Variants in CDKAL1 observed in about 807,000 individuals in gnomAD.
CDKAL1 encodes the protein threonylcarbamoyladenosine tRNA methylthiotransferase.
Under a neutral mutation model 68.2 loss-of-function variants are expected in CDKAL1, and 32 were observed. The ratio of observed to expected loss-of-function variants is 0.47; its 90% CI spans 0.35 to 0.63. The LOEUF (loss-of-function observed/expected upper bound fraction) is 0.63, where lower values mean the gene tolerates loss of function less well. CDKAL1 is among the 30% of genes least tolerant of loss of function. CDKAL1 has a pLI of 0.00. For synonymous variants in CDKAL1, 234 were observed against 244.3 expected (o/e 0.96, Z 0.39); for missense variants, 606 against 696.7 (o/e 0.87, Z 1.47).
chr6:21,206,484 A>G (rs1424100489), intron 15 of CDKAL1, among the ~76,000 whole-genome samples: 1 of 152,162 alleles, frequency 6.6e-6, no homozygotes, highest in Non-Finnish European at 1.5e-5. Context: ...GAATCTTACC[A>G]TTTCTAAGAT....
chr6:21,091,598 GAA>G (rs1773010594), intron 12 of CDKAL1, among the ~76,000 whole-genome samples: 1 of 152,166 alleles, frequency 6.6e-6, no homozygotes, highest in South Asian at 2.1e-4. Flanking sequence ...AGGGGAAAAT[GAA>G]AAGTCTCTGG....
At position 21,200,908 on chromosome 6, in the gene CDKAL1, ATAATAT is replaced by A. The variant is rs1246328903; in HGVS notation, c.1384-195_1384-190del. ...GGATAATTAGGTATGCCTTCGGTTA[ATAATAT>A]TAATATATCAATTTGGGTTCATTAA... On this transcript the variant is annotated intron_variant, in intron 14 of 15. Transcript: ENST00000274695. The A allele has an allele frequency of 1.3e-4, 54 of 428,692 alleles. No homozygotes were observed. In the East Asian group the frequency reaches 1.8e-3, roughly 14 times the overall value. The allele number at this position is 428,692 out of a possible 1,614,324, so 26.6% of individuals were successfully genotyped here.
intron 9 of CDKAL1, among the ~76,000 whole-genome samples, chr6:20,872,176 A>C (rs2150544709): frequency 6.6e-6 from 1 of 152,312 alleles, no homozygotes; most frequent in East Asian, 1.9e-4. Flanking sequence ...TTAATTTAAA[A>C]ATGTATATTT....
At chr6:20,720,767 T>A (rs1772311160) in intron 5 of CDKAL1, among the ~76,000 whole-genome samples, 1 of 152,320 alleles carries the variant, frequency 6.6e-6, no homozygotes, top group East Asian at 1.9e-4. Context: ...CCCAAAGTGC[T>A]AGATTTCAGG....
intron 8 of CDKAL1, among the ~76,000 whole-genome samples, chr6:20,803,014 A>G (rs1439702356): frequency 6.6e-6 from 1 of 152,244 alleles, no homozygotes; most frequent in African/African-American, 2.4e-5. Flanking sequence ...CCTACAAGGA[A>G]CTGACAGAAT....
Position 20,972,503 on chromosome 6 carries a change from G to T in CDKAL1, c.909+16918G>T, listed in dbSNP as rs1023203244. ...ACTTCCCAAGTCCTTCAGATTTTTT[G>T]AAGAAAGTTTGAAACAGAAAGCAGG... On this transcript the variant is annotated intron_variant, in intron 10 of 15. Transcript: ENST00000274695. 5.3e-5 allele frequency among the ~76,000 whole-genome samples: 8 copies of T among 152,250 alleles called. No individual in the cohort carries two copies. The East Asian group carries it at 1.4e-3, about 26-fold the overall frequency.
chr6:20,931,299 G>T (rs775012663), intron 9 of CDKAL1, among the ~76,000 whole-genome samples: 1 of 152,126 alleles, frequency 6.6e-6, no homozygotes, highest in African/African-American at 2.4e-5. Flanking sequence ...TTGGCCTCGT[G>T]CCAGACACCA....
chr6:21,066,556 A>G (rs750558986), intron 12 of CDKAL1, among the ~76,000 whole-genome samples: 5 of 152,218 alleles, frequency 3.3e-5, no homozygotes, highest in Admixed American at 1.3e-4. Flanking sequence ...CTACATGACA[A>G]TCAAGATATA....
intron 15 of CDKAL1, among the ~76,000 whole-genome samples, chr6:21,212,502 T>G (rs1012511899): frequency 6.6e-6 from 1 of 152,162 alleles, no homozygotes; most frequent in African/African-American, 2.4e-5. Flanking sequence ...CTTCTAACCA[T>G]AAATTGTAGT....
intron 4 of CDKAL1, among the ~76,000 whole-genome samples, chr6:20,573,247 AG>A (rs749861948): frequency 1.3e-5 from 2 of 152,200 alleles, no homozygotes; most frequent in Non-Finnish European, 2.9e-5. Context: ...CTTGCTGGTC[AG>A]TGTTTGTTAT....
At chr6:20,825,336 G>C (rs191444894) in intron 8 of CDKAL1, among the ~76,000 whole-genome samples, 2 of 150,936 alleles carry the variant, frequency 1.3e-5, no homozygotes, top group Non-Finnish European at 3.0e-5. Context: ...TTAGTAACCT[G>C]AAGTTTTTAC....
At chr6:20,761,743 A>C (rs1375692733) in intron 7 of CDKAL1, among the ~76,000 whole-genome samples, 1 of 152,232 alleles carries the variant, frequency 6.6e-6, no homozygotes, top group Non-Finnish European at 1.5e-5. Context: ...TAAACGGATC[A>C]GTTGGTGTCA....
intron 5 of CDKAL1, among the ~76,000 whole-genome samples, chr6:20,660,796 T>C (rs1464633876): frequency 6.6e-6 from 1 of 152,200 alleles, no homozygotes; most frequent in Non-Finnish European, 1.5e-5. Flanking sequence ...AAGGGTTTAG[T>C]ATCGTTATGC....
At chr6:20,557,055 AAAT>A (rs1561923453) in intron 4 of CDKAL1, among the ~76,000 whole-genome samples, 40 of 42,830 alleles carry the variant, frequency 9.3e-4, no homozygotes, top group Admixed American at 3.4e-3. Context: ...AAAAAAAAAT[AAAT>A]AAATAAATAA....
At chr6:20,577,340 G>A (rs139419511) in intron 4 of CDKAL1, among the ~76,000 whole-genome samples, 1 of 152,182 alleles carries the variant, frequency 6.6e-6, no homozygotes, top group Admixed American at 6.5e-5. Flanking sequence ...GGGGGCGGGG[G>A]TTAGGTGGGA....
chr6:21,054,868 G>C (rs1174376819), intron 11 of CDKAL1, among the ~76,000 whole-genome samples: 1 of 150,270 alleles, frequency 6.7e-6, no homozygotes, highest in African/African-American at 2.5e-5. Flanking sequence ...AGATTCTTTA[G>C]ATTTTCTACA....
intron 13 of CDKAL1, among the ~76,000 whole-genome samples, chr6:21,145,697 C>T (rs527305447): frequency 7.2e-5 from 11 of 152,332 alleles, no homozygotes; most frequent in African/African-American, 1.7e-4. Context: ...TAAAATTGCA[C>T]GGCTGCCAAC....
chr6:21,053,825 T>G (rs1345747812), intron 11 of CDKAL1, among the ~76,000 whole-genome samples: 1 of 152,204 alleles, frequency 6.6e-6, no homozygotes, highest in Non-Finnish European at 1.5e-5. Context: ...GTCTTCCTGT[T>G]AGTGAGTCAT....
intron 13 of CDKAL1, among the ~76,000 whole-genome samples, chr6:21,155,729 G>T (rs1776610840): frequency 6.6e-6 from 1 of 152,174 alleles, no homozygotes; most frequent in African/African-American, 2.4e-5. Flanking sequence ...TGTTTCCCAT[G>T]CATTAGTAAT....
Sources: gnomAD v4.1 joint callset for allele counts (sites outside exome capture counted in the v4.1 genomes callset) on GRCh38, gnomAD v4.1.1 for gene constraint, MANE v1.5 for transcripts, NCBI Gene and HGNC (gene_info 2026-07-23, HGNC 2026-07-21) for gene names.